The following ASIC2 variants were observed in gnomAD, a reference collection of about 807,000 sequenced individuals.
ASIC2 encodes acid sensing ion channel subunit 2.
Under a neutral mutation model 57.3 loss-of-function variants are expected in ASIC2, and 25 were observed. That is an observed-to-expected ratio of 0.44 (90% confidence interval 0.32 to 0.61). The LOEUF is 0.61. Among genes scored for constraint, ASIC2 ranks in the 20% least tolerant of loss-of-function variants. ASIC2 has a pLI of 0.06. For synonymous variants in ASIC2, 319 were observed against 307.5 expected (o/e 1.04, Z -0.39); for missense variants, 641 against 738.1 (o/e 0.87, Z 1.52).
chr17:33,940,152 C>T (rs891784749), intron 1 of ASIC2, among the ~76,000 whole-genome samples: 4 of 152,172 alleles, frequency 2.6e-5, no homozygotes, highest in East Asian at 1.9e-4. Context: ...AACTAGGCAG[C>T]GTGCCCAACT....
chr17:33,863,709 T>G (rs545400697), intron 1 of ASIC2, among the ~76,000 whole-genome samples: 207 of 152,316 alleles, frequency 1.4e-3, no homozygotes, highest in African/African-American at 4.8e-3. Context: ...CATCTGGTAT[T>G]GTCTAAGGAG....
At chr17:33,641,277 A>G (rs1906554879) in intron 1 of ASIC2, among the ~76,000 whole-genome samples, 1 of 152,224 alleles carries the variant, frequency 6.6e-6, no homozygotes, top group South Asian at 2.1e-4. Context: ...GGAAAGCTGA[A>G]GAGATTGAAA....
chr17:33,389,827 G>A lies in ASIC2; in HGVS notation c.556-277760C>T, dbSNP rs118045952. On this transcript the variant is annotated intron_variant, in intron 1 of 9. Coordinates refer to the ASIC2 transcript ENST00000359872. ...AGGAATGATGATAAGATGAGTTTGG[G>A]GAAATGAGGCTTGAGCACAAACAAC... 5.4e-4 allele frequency among the ~76,000 whole-genome samples: 82 copies of A among 152,292 alleles called. No homozygotes were observed. In the East Asian group the frequency reaches 0.012, roughly 23 times the overall value.
At chr17:34,093,786 C>T (rs528792017) in intron 1 of ASIC2, among the ~76,000 whole-genome samples, 11 of 152,302 alleles carry the variant, frequency 7.2e-5, no homozygotes, top group African/African-American at 2.6e-4. Flanking sequence ...GACCACCCGT[C>T]ACTTGGTGAG....
chr17:33,581,117 A>G (rs977056825), intron 1 of ASIC2: 8 of 152,236 alleles, frequency 5.3e-5, no homozygotes, highest in African/African-American at 1.4e-4. Context: ...AGCCTGGATT[A>G]TCTGGGTGGG....
At chr17:33,884,566 C>A (rs941950485) in intron 1 of ASIC2, among the ~76,000 whole-genome samples, 2 of 152,128 alleles carry the variant, frequency 1.3e-5, no homozygotes, top group Non-Finnish European at 2.9e-5. Flanking sequence ...AACCCTAATT[C>A]TGTCCTTGGA....
At chr17:34,102,276 G>C (rs982982475) in intron 1 of ASIC2, among the ~76,000 whole-genome samples, 6 of 152,140 alleles carry the variant, frequency 3.9e-5, no homozygotes, top group Admixed American at 3.9e-4. Flanking sequence ...GTTGCAGTGA[G>C]CTGAGATCGC....
chr17:34,017,201 T>C (rs1907007698), intron 1 of ASIC2, among the ~76,000 whole-genome samples: 3 of 152,244 alleles, frequency 2.0e-5, no homozygotes, highest in Admixed American at 6.5e-5. Flanking sequence ...ACTTTTTCAT[T>C]ACCATTATAT....
chr17:33,779,140 C>T (rs116322957), intron 1 of ASIC2, among the ~76,000 whole-genome samples: 1,626 of 152,244 alleles, frequency 0.011, 33 homozygotes, highest in African/African-American at 0.037. Context: ...AGAAGGATGC[C>T]ATTCCAGGGT....
Position 33,234,194 on chromosome 17 carries a change from G to C in ASIC2, c.708+57214C>G, listed in dbSNP as rs181516460. Among the ~76,000 whole-genome samples the C allele has an allele frequency of 1.8e-4, 28 of 152,306 alleles. No individual in the cohort carries two copies. In the South Asian group the frequency reaches 2.5e-3, roughly 14 times the overall value. On this transcript the variant is annotated intron_variant, in intron 1 of 9. Transcript: ENST00000225823. ...GCTTTTTAAAGGAAAGGTGAAGTTC[G>C]TAAAAAGCCATGGATGTTATATAAC... is the stretch of plus-strand genomic sequence containing the variant.
chr17:33,502,117 G>A (rs61420641), intron 1 of ASIC2, among the ~76,000 whole-genome samples: 1 of 152,014 alleles, frequency 6.6e-6, no homozygotes, highest in Non-Finnish European at 1.5e-5. Flanking sequence ...GGGGGAAGGG[G>A]TGGGGTTCCA....
chr17:33,449,063 A>G (rs1912147246), intron 1 of ASIC2, among the ~76,000 whole-genome samples: 1 of 152,210 alleles, frequency 6.6e-6, no homozygotes, highest in African/African-American at 2.4e-5. Flanking sequence ...GGATTACATG[A>G]GATGATGAAT....
Position 34,100,248 on chromosome 17 carries a change from C to T in ASIC2, c.555+55730G>A, listed in dbSNP as rs769929256. ...CACTATATTTCCCCCTCAATCCATT[C>T]GCAAGAGAAGTGTTATAATAACATG... On this transcript the variant is annotated intron_variant, in intron 1 of 9. Coordinates refer to the ASIC2 transcript ENST00000359872. 9.4e-5 allele frequency among the ~76,000 whole-genome samples: 14 copies of T among 148,884 alleles called. No individual in the cohort carries two copies. In the East Asian group the frequency reaches 1.6e-3, roughly 17 times the overall value.
At chr17:33,358,921 T>C (rs1024519823) in intron 1 of ASIC2, among the ~76,000 whole-genome samples, 6 of 152,216 alleles carry the variant, frequency 3.9e-5, no homozygotes, top group African/African-American at 1.4e-4. Flanking sequence ...TAGCTAGTCA[T>C]CTACAAATTT....
chr17:33,973,940 C>CTCCATGCATTA (rs1905294098), intron 1 of ASIC2, among the ~76,000 whole-genome samples: 1 of 152,134 alleles, frequency 6.6e-6, no homozygotes, highest in African/African-American at 2.4e-5. Context: ...CTTAAGACAT[C>CTCCATGCATTA]TCCATGCATC....
intron 1 of ASIC2, among the ~76,000 whole-genome samples, chr17:33,226,279 G>A (rs747187392): frequency 2.7e-4 from 41 of 152,146 alleles, no homozygotes; most frequent in Non-Finnish European, 5.0e-4. Context: ...ATGGAATAGA[G>A]ATGCCCAATA....
rs188790264 is a variant in ASIC2, at chr17:33,718,093, C to T, written c.555+437885G>A. Among the ~76,000 whole-genome samples the T allele has an allele frequency of 6.6e-3, 1,011 of 152,226 alleles. 6 individuals are homozygous for T. Among genetic ancestry groups the T allele is most frequent in the Middle Eastern group, 0.065 (19 of 294 alleles). ...ACCCCTCTCCCTGTGCCAAAATCTG[C>T]GAATGCTCAAGTCCCTTATATAAAA... On this transcript the variant is annotated intron_variant, in intron 1 of 9. Transcript: ENST00000359872.
intron 1 of ASIC2, among the ~76,000 whole-genome samples, chr17:34,084,655 T>C (rs1256316472): frequency 6.6e-6 from 1 of 152,206 alleles, no homozygotes; most frequent in Admixed American, 6.5e-5. Flanking sequence ...TTCACGATAT[T>C]GATTCTTCCT....
chr17:33,595,315 C>T (rs767796743), intron 1 of ASIC2, among the ~76,000 whole-genome samples: 1 of 152,184 alleles, frequency 6.6e-6, no homozygotes. Context: ...ACAGCTGGGA[C>T]GTCAGAGGGT....
Sources: allele counts gnomAD v4.1 joint callset (sites outside exome capture counted in the v4.1 genomes callset), GRCh38; gene constraint gnomAD v4.1.1; transcripts MANE v1.5; gene names NCBI Gene and HGNC (gene_info 2026-07-23, HGNC 2026-07-21).